KMT2E: variants seen among roughly 807,000 people sequenced by gnomAD.
The protein encoded by KMT2E is histone reader KMT2E.
Under a neutral mutation model 184.6 loss-of-function variants are expected in KMT2E, and 30 were observed. The ratio of observed to expected loss-of-function variants is 0.16; its 90% CI spans 0.12 to 0.22. KMT2E has a LOEUF of 0.22. KMT2E is among the 10% of genes least tolerant of loss of function. The pLI, the probability that KMT2E is intolerant of heterozygous loss-of-function variation, is 1.00. For synonymous variants in KMT2E, 815 were observed against 776.5 expected, an observed-to-expected ratio of 1.05 and a Z score of -0.82; for missense variants, 2,023 against 2,237.4, an observed-to-expected ratio of 0.90 and a Z score of 1.93.
At chr7:105,085,433 A>C (rs1174199948) in intron 13 of KMT2E, among the ~76,000 whole-genome samples, 1 of 152,154 alleles carries the variant, frequency 6.6e-6, no homozygotes, top group Non-Finnish European at 1.5e-5. Context: ...CTGTAATCCC[A>C]GCTACTTGGG....
chr7:105,067,904 C>G (rs1355881192), intron 6 of KMT2E, among the ~76,000 whole-genome samples: 1 of 151,912 alleles, frequency 6.6e-6, no homozygotes, highest in Non-Finnish European at 1.5e-5. Context: ...CCTGTGAGTT[C>G]GAGGCTGCAG....
intron 1 of KMT2E, among the ~76,000 whole-genome samples, chr7:105,019,993 A>G (rs1173470365): frequency 6.6e-6 from 1 of 151,842 alleles, no homozygotes; most frequent in African/African-American, 2.4e-5. Context: ...CTGCAATCCT[A>G]CCTACTCAGG....
intron 1 of KMT2E, among the ~76,000 whole-genome samples, chr7:105,032,032 C>T (rs1443710731): frequency 7.4e-6 from 1 of 135,522 alleles, no homozygotes; most frequent in African/African-American, 2.8e-5. Flanking sequence ...CACTACTGCA[C>T]TCCACACTCC....
chr7:105,019,826 G>T (rs1185195369), intron 1 of KMT2E, among the ~76,000 whole-genome samples: 1 of 152,120 alleles, frequency 6.6e-6, no homozygotes. Context: ...TTAAAAATAG[G>T]CTGGGCACGG....
chr7:105,108,832 A>G (rs1799033386), intron 22 of KMT2E, 110 bp from the exon 23 acceptor site: 2 of 878,042 alleles, frequency 2.3e-6, no homozygotes, highest in Non-Finnish European at 3.4e-6. Context: ...AATTAAAATA[A>G]TTTTCCTAAT....
chr7:105,065,801 C>G (rs1198584137), intron 5 of KMT2E, among the ~76,000 whole-genome samples: 1 of 152,114 alleles, frequency 6.6e-6, no homozygotes, highest in Non-Finnish European at 1.5e-5. Flanking sequence ...GGGGAAGCTA[C>G]TGTAGTTATA....
chr7:105,064,140 G>A, intron 5 of KMT2E: 1 of 197,284 alleles, frequency 5.1e-6, no homozygotes, highest in Admixed American at 6.9e-5. Flanking sequence ...AGAAAGTGGG[G>A]TTTTGTATCA....
chr7:105,055,047 C>G (rs1796522601), intron 3 of KMT2E, among the ~76,000 whole-genome samples: 1 of 152,126 alleles, frequency 6.6e-6, no homozygotes, highest in African/African-American at 2.4e-5. Context: ...TTCAGGGCTT[C>G]TCCTGAGCCT....
intron 13 of KMT2E, among the ~76,000 whole-genome samples, chr7:105,082,791 T>G (rs1414200681): frequency 6.6e-6 from 1 of 152,248 alleles, no homozygotes. Context: ...TTAGCTTCAG[T>G]GCCCATATCA....
intron 6 of KMT2E, among the ~76,000 whole-genome samples, chr7:105,067,805 T>C (rs2129567526): frequency 6.6e-6 from 1 of 152,124 alleles, no homozygotes; most frequent in Admixed American, 6.5e-5. Context: ...ACCCTGTCTC[T>C]CCTAAAAATA....
Position 105,110,292 on chromosome 7 carries a change from T to A in KMT2E, c.3768T>A (p.Thr1256=). Residue 1256 remains threonine (T), a synonymous_variant, in exon 24 of 27, where the codon ACT becomes ACA. Transcript: ENST00000311117. ...TTTTCTTTGAAAGGACTGCCTCAAC[T>A]TCAGTGGAACAAGTCAGAGAAAGGA... is the stretch of plus-strand genomic sequence containing the variant. The part of the protein sequence containing the change: ...NEPEVQWTAS[T]SVEQVRERSY... 6.2e-7 allele frequency: 1 copy of A among 1,614,080 alleles called. No homozygotes were observed. The highest frequency in any genetic ancestry group is 1.3e-5 in the African/African-American group (1 of 75,050).
At position 105,071,580 on chromosome 7, in the gene KMT2E, G is replaced by GTA. The variant is rs1438005247; in HGVS notation, c.498-2038_498-2037insAT. The stretch of plus-strand genomic sequence containing the variant: ...TATGTATGTATGTATGTATGTGTGT[G>GTA]TGTATATATATATATATATATATAT... On this transcript the variant is annotated intron_variant, in intron 6 of 26. Coordinates refer to ENST00000311117, the MANE Select transcript of KMT2E (RefSeq NM_182931.3). 7.3e-3 allele frequency among the ~76,000 whole-genome samples: 474 copies of GTA among 64,954 alleles called. 9 individuals are homozygous for GTA. The highest frequency in any genetic ancestry group is 0.017 in the Middle Eastern group (2 of 118). 42.6% of individuals were successfully genotyped at this position (64,954 alleles called of 152,430 possible). A position where few individuals can be genotyped will look rare whatever the true frequency, so the allele number is the denominator to read the frequency against.
rs549097484 is a variant in KMT2E, at chr7:105,094,246, T to C, written c.1722+2932T>C. On this transcript the variant is annotated intron_variant, in intron 15 of 26. Transcript: ENST00000311117. The stretch of plus-strand genomic sequence containing the variant: ...ATATTGGTTAGATTAACATCAGTAG[T>C]CAGAAAGATAACGTCAAGTCAAAAA... Among the ~76,000 whole-genome samples, 82 of 152,246 alleles carry C rather than the reference T, an allele frequency of 5.4e-4. No individual in the cohort carries two copies. The South Asian group carries it at 8.9e-3, about 17-fold the overall frequency.
rs1205631532 is a variant in KMT2E at position 105,113,095 on chromosome 7, C to T, written c.5339C>T (p.Ser1780Phe). The change falls in exon 27 of 27, where the codon TCT (serine) becomes TTT (phenylalanine). Residue 1780 changes from serine to phenylalanine, a missense_variant. Ser to Phe is a radical substitution (Grantham distance 155). Transcript: ENST00000311117. ...GGACCGGGACCCCAGCACCAGCCTT[C>T]TGGAACAGGGCCACATTGTCCATTA... ...TLGPGPQHQP[S>F]GTGPHCPLPV... 1 of 1,614,198 alleles carries T rather than the reference C, an allele frequency of 6.2e-7. No individual in the cohort carries two copies. The highest frequency in any genetic ancestry group is 8.5e-7 in the Non-Finnish European group (1 of 1,180,032).
At chr7:105,092,346 G>C (rs1466501262) in intron 15 of KMT2E, among the ~76,000 whole-genome samples, 1 of 152,108 alleles carries the variant, frequency 6.6e-6, no homozygotes, top group Non-Finnish European at 1.5e-5. Context: ...AGGTTGCAGT[G>C]AGCTGAGATC....
In KMT2E at chr7:105,090,115, C is replaced by G. The variant is rs749233634; in HGVS notation, c.1465C>G (p.Arg489Gly). The G allele has an allele frequency of 1.9e-6, 3 of 1,611,604 alleles. No individual in the cohort carries two copies. The highest frequency in any genetic ancestry group is 2.5e-6 in the Non-Finnish European group (3 of 1,179,408). Reference sequence around the variant, plus strand: ...TATCAATAGTGGTTATGAGACCAGACGGAAAAAAGGAAAAAAAGACAAAGA... The same window carrying G: ...TATCAATAGTGGTTATGAGACCAGAGGGAAAAAAGGAAAAAAAGACAAAGA... ...ENINSGYETR[R>G]KKGKKDKDIS... The change falls in exon 14 of 27, where the codon CGG becomes GGG. Residue 489 changes from arginine (R) to glycine (G), a missense_variant. Physicochemically the swap from Arg to Gly is moderately radical, Grantham distance 125. Transcript: ENST00000311117.
chr7:105,019,162 GTTAA>G (rs1434767283), intron 1 of KMT2E, among the ~76,000 whole-genome samples: 9 of 152,104 alleles, frequency 5.9e-5, no homozygotes, highest in African/African-American at 9.7e-5. Flanking sequence ...CCCAGAGTAA[GTTAA>G]TTAGATTTTA....
At chr7:105,076,137 ATGCT>A in intron 9 of KMT2E, 56 bp downstream of exon 9, 1 of 1,219,494 alleles carries the variant, frequency 8.2e-7, no homozygotes, top group South Asian at 1.2e-5. Flanking sequence ...CAGGAGCTAC[ATGCT>A]TGCTTGACCA....
At chr7:105,094,619 T>C in intron 15 of KMT2E, among the ~76,000 whole-genome samples, 1 of 152,172 alleles carries the variant, frequency 6.6e-6, no homozygotes, top group South Asian at 2.1e-4. Context: ...ATTTATCAGA[T>C]TGGAATACGA....
Sources: gnomAD v4.1 joint callset for allele counts (sites outside exome capture counted in the v4.1 genomes callset) on GRCh38, gnomAD v4.1.1 for gene constraint, MANE v1.5 for transcripts, NCBI Gene and HGNC (gene_info 2026-07-23, HGNC 2026-07-21) for gene names.